TUSC3: variants seen among roughly 807,000 people sequenced by gnomAD.
TUSC3 encodes the protein tumor suppressor candidate 3.
In TUSC3, 45 loss-of-function variants were observed where a neutral mutation model predicts 44.8. The ratio of observed to expected loss-of-function variants is 1.00; its 90% confidence interval spans 0.79 to 1.29. The LOEUF is 1.29. Ranked by LOEUF, TUSC3 falls within the 50% of genes most tolerant of loss-of-function variation. The pLI is 0.00. For missense variants in TUSC3, 519 were observed against 437.9 expected, an observed-to-expected ratio of 1.19 and a Z score of -1.65; for synonymous variants, 212 against 152.9, an observed-to-expected ratio of 1.39 and a Z score of -2.85.
intron 2 of TUSC3, among the ~76,000 whole-genome samples, chr8:15,508,700 A>G (rs944365424): frequency 1.3e-5 from 2 of 151,964 alleles, no homozygotes; most frequent in Admixed American, 6.6e-5. Flanking sequence ...TGACCTTGTG[A>G]TTCACCCGCC....
At chr8:15,564,907 A>G (rs959131495) in intron 1 of TUSC3, among the ~76,000 whole-genome samples, 1 of 152,124 alleles carries the variant, frequency 6.6e-6, no homozygotes, top group Non-Finnish European at 1.5e-5. Flanking sequence ...AGAGAAGGAG[A>G]GAGGCCACTG....
chr8:15,536,320 A>T (rs1801520905), upstream of TUSC3, among the ~76,000 whole-genome samples: 1 of 152,170 alleles, frequency 6.6e-6, no homozygotes, highest in Non-Finnish European at 1.5e-5. Context: ...TTTGCTGGTG[A>T]GGACAGAGAT....
intron 1 of TUSC3, among the ~76,000 whole-genome samples, chr8:15,433,236 C>A (rs540266723): frequency 2.6e-5 from 4 of 151,814 alleles, no homozygotes; most frequent in African/African-American, 9.7e-5. Context: ...AAATGTATTC[C>A]CCCATATATT....
At chr8:15,545,016 C>T (rs1801815904) in intron 1 of TUSC3, among the ~76,000 whole-genome samples, 1 of 151,726 alleles carries the variant, frequency 6.6e-6, no homozygotes, top group South Asian at 2.1e-4. Flanking sequence ...CTATATTTTA[C>T]ATGTTACATA....
the TUSC3 span, among the ~76,000 whole-genome samples, chr8:15,781,833 C>A: frequency 1.3e-5 from 2 of 152,092 alleles, no homozygotes; most frequent in Non-Finnish European, 2.9e-5. Flanking sequence ...AACAAAGCTA[C>A]TATAAGAAAA....
chr8:15,444,842 C>T (rs1052671260), intron 1 of TUSC3, among the ~76,000 whole-genome samples: 2 of 152,140 alleles, frequency 1.3e-5, no homozygotes, highest in African/African-American at 4.8e-5. Context: ...TCTTCTTTCC[C>T]TCATCTTTCC....
chr8:15,519,404 A>G (rs543943214), intron 2 of TUSC3, among the ~76,000 whole-genome samples: 7 of 152,254 alleles, frequency 4.6e-5, no homozygotes, highest in African/African-American at 1.2e-4. Flanking sequence ...AATTACAGTC[A>G]CTTGAAGCTG....
the TUSC3 span, chr8:15,807,205 G>A: frequency 1.7e-5 from 12 of 719,826 alleles, no homozygotes; most frequent in African/African-American, 5.2e-5. Context: ...TGCATGCTGC[G>A]TAGCTCGTAT....
At chr8:15,840,360 A>G in the TUSC3 span, among the ~76,000 whole-genome samples, 14 of 152,174 alleles carry the variant, frequency 9.2e-5, no homozygotes, top group South Asian at 2.3e-3. Flanking sequence ...CATGTACCCT[A>G]GAACTTAAAG....
At chr8:15,659,383 T>C in intron 3 of TUSC3, 124 bp from the exon 4 acceptor site, 2 of 1,274,678 alleles carry the variant, frequency 1.6e-6, no homozygotes, top group Non-Finnish European at 2.2e-6. Flanking sequence ...AATTTACCTC[T>C]GGAAAACCAC....
chr8:15,685,079 T>C (rs1043392663), intron 6 of TUSC3, among the ~76,000 whole-genome samples: 4 of 152,286 alleles, frequency 2.6e-5, no homozygotes, highest in Admixed American at 2.6e-4. Flanking sequence ...TGAACACCTT[T>C]GGTCACATTT....
chr8:15,607,795 A>G (rs953475117), intron 1 of TUSC3, among the ~76,000 whole-genome samples: 12 of 152,132 alleles, frequency 7.9e-5, no homozygotes, highest in African/African-American at 2.9e-4. Flanking sequence ...GTTTCAGTTA[A>G]ATCTGTATTG....
intron 2 of TUSC3, among the ~76,000 whole-genome samples, chr8:15,624,498 A>G (rs1218376057): frequency 2.6e-5 from 4 of 152,190 alleles, no homozygotes. Flanking sequence ...TATTTTAGCC[A>G]TTCTGATAGA....
chr8:15,791,427 T>G, the TUSC3 span, among the ~76,000 whole-genome samples: 1 of 151,982 alleles, frequency 6.6e-6, no homozygotes, highest in African/African-American at 2.4e-5. Context: ...TATGTTAATT[T>G]ATATGCATAG....
the TUSC3 span, among the ~76,000 whole-genome samples, chr8:15,802,444 A>G: frequency 6.6e-6 from 1 of 152,100 alleles, no homozygotes; most frequent in Non-Finnish European, 1.5e-5. Context: ...TTTTTTTGAG[A>G]CAGAGTCTTG....
At chr8:15,576,556 G>A (rs1233429713) in intron 1 of TUSC3, among the ~76,000 whole-genome samples, 1 of 145,304 alleles carries the variant, frequency 6.9e-6, no homozygotes, top group Non-Finnish European at 1.5e-5. Flanking sequence ...GTGAGAATAT[G>A]CCGTGATTGG....
intron 2 of TUSC3, among the ~76,000 whole-genome samples, chr8:15,497,939 G>C (rs1432384494): frequency 6.6e-6 from 1 of 151,800 alleles, no homozygotes; most frequent in East Asian, 1.9e-4. Flanking sequence ...ACTAGAGATG[G>C]GGTTTCACCA....
At chr8:15,486,513 C>T (rs556346661) in intron 2 of TUSC3, among the ~76,000 whole-genome samples, 5 of 152,104 alleles carry the variant, frequency 3.3e-5, no homozygotes, top group East Asian at 1.9e-4. Flanking sequence ...GGTGCTGTCT[C>T]GCCTCACTGC....
At chr8:15,466,693 C>G (rs908254630) in intron 1 of TUSC3, among the ~76,000 whole-genome samples, 2 of 152,048 alleles carry the variant, frequency 1.3e-5, no homozygotes, top group South Asian at 2.1e-4. Flanking sequence ...GGAAAAGGTT[C>G]TTTGAGATTT....
Sources: allele counts gnomAD v4.1 joint callset (sites outside exome capture counted in the v4.1 genomes callset), GRCh38; gene constraint gnomAD v4.1.1; transcripts MANE v1.5; gene names NCBI Gene and HGNC (gene_info 2026-07-23, HGNC 2026-07-21).